Variants in SV2C observed in about 807,000 individuals in gnomAD.
SV2C encodes the protein synaptic vesicle glycoprotein 2C.
SV2C carries 49 observed loss-of-function variants against 79.7 expected under a neutral mutation model. The ratio of observed to expected loss-of-function variants is 0.61; its 90% confidence interval spans 0.49 to 0.78. SV2C has a LOEUF of 0.78. Ranked by LOEUF, SV2C falls within the 30% of genes least tolerant of loss-of-function variation. The pLI, the probability that SV2C is intolerant of heterozygous loss-of-function variation, is 0.00. For missense variants in SV2C, 833 were observed against 912.9 expected (o/e 0.91, Z 1.13); for synonymous variants, 334 against 333.2 (o/e 1.00, Z -0.03).
chr5:76,298,850 G>C lies in SV2C; in HGVS notation c.1559G>C (p.Cys520Ser). The stretch of plus-strand genomic sequence containing the variant: ...TTCAAAGACTCTGTTTTTAAGTCCT[G>C]CACCTTTGAGGATGTAACTTCAGTG... ...VTFKDSVFKSCTFEDVTSVNT... is the reference protein window; with the variant it reads ...VTFKDSVFKSSTFEDVTSVNT... The change falls in exon 10 of 13, where the codon TGC becomes TCC. Residue 520 changes from cysteine to serine, a missense_variant. Transcript: ENST00000502798. 6.2e-7 allele frequency: 1 copy of C among 1,613,904 alleles called. No homozygotes were observed. The highest frequency in any genetic ancestry group is 8.5e-7 in the Non-Finnish European group (1 of 1,179,870).
the SV2C span, among the ~76,000 whole-genome samples, chr5:75,892,585 C>T: frequency 6.6e-6 from 1 of 152,014 alleles, no homozygotes; most frequent in Non-Finnish European, 1.5e-5. Context: ...TGGCTCCCTT[C>T]CTCATCTTCC....
chr5:75,945,886 A>C, the SV2C span, among the ~76,000 whole-genome samples: 8 of 152,094 alleles, frequency 5.3e-5, no homozygotes, highest in Non-Finnish European at 1.2e-4. Context: ...TAAAGCAAAA[A>C]AGAAAACAAA....
chr5:76,265,545 G>A (rs550006305), intron 4 of SV2C, among the ~76,000 whole-genome samples: 1 of 152,340 alleles, frequency 6.6e-6, no homozygotes, highest in East Asian at 1.9e-4. Context: ...CCTACAGCTA[G>A]CTTGGTGTCT....
At chr5:75,927,896 C>A in the SV2C span, among the ~76,000 whole-genome samples, 1 of 152,150 alleles carries the variant, frequency 6.6e-6, no homozygotes, top group South Asian at 2.1e-4. Flanking sequence ...GAACCCTCTA[C>A]AGGAGCCACC....
the SV2C span, among the ~76,000 whole-genome samples, chr5:75,876,277 A>G: frequency 2.6e-5 from 4 of 152,152 alleles, no homozygotes; most frequent in Non-Finnish European, 5.9e-5. Context: ...GGGAACATGG[A>G]TGGAACTGGA....
At chr5:76,056,162 T>C in the SV2C span, among the ~76,000 whole-genome samples, 125 of 152,272 alleles carry the variant, frequency 8.2e-4, no homozygotes, top group Admixed American at 1.8e-3. Flanking sequence ...TTTTGAGATA[T>C]GTTCCATCAA....
chr5:76,147,065 A>T (rs922408325), intron 2 of SV2C, among the ~76,000 whole-genome samples: 7 of 151,998 alleles, frequency 4.6e-5, no homozygotes, highest in African/African-American at 1.7e-4. Flanking sequence ...GGGAGAGGGG[A>T]ATGGGAAGGT....
chr5:76,226,723 G>C (rs1160396134), intron 4 of SV2C, among the ~76,000 whole-genome samples: 1 of 152,184 alleles, frequency 6.6e-6, no homozygotes, highest in African/African-American at 2.4e-5. Context: ...CACACGTGCA[G>C]GTCAGATGTC....
chr5:75,954,248 T>C, the SV2C span, among the ~76,000 whole-genome samples: 1 of 152,100 alleles, frequency 6.6e-6, no homozygotes, highest in African/African-American at 2.4e-5. Context: ...TGCACTCTTA[T>C]TTCTTAAGTA....
At chr5:75,848,265 T>G in the SV2C span, among the ~76,000 whole-genome samples, 1 of 152,162 alleles carries the variant, frequency 6.6e-6, no homozygotes, top group Non-Finnish European at 1.5e-5. Flanking sequence ...TGTCAAGAGC[T>G]CTGAGCCCTG....
the SV2C span, among the ~76,000 whole-genome samples, chr5:75,941,717 C>G: frequency 0.028 from 4,320 of 152,298 alleles, 192 homozygotes; most frequent in African/African-American, 0.095. Context: ...CAGAGGCAGG[C>G]CTCAGGAAGC....
the SV2C span, among the ~76,000 whole-genome samples, chr5:76,027,894 T>C: frequency 1.3e-5 from 2 of 152,230 alleles, no homozygotes; most frequent in African/African-American, 4.8e-5. Flanking sequence ...CTGTTACATG[T>C]CCTGCATGAG....
intron 3 of SV2C, among the ~76,000 whole-genome samples, chr5:76,197,055 T>C (rs866613829): frequency 6.6e-6 from 1 of 152,358 alleles, no homozygotes; most frequent in Middle Eastern, 3.4e-3. Context: ...GAAATCCAGG[T>C]GTGCCCTACT....
chr5:76,144,867 ATTAAC>A (rs1198494378), intron 2 of SV2C, among the ~76,000 whole-genome samples: 3 of 152,150 alleles, frequency 2.0e-5, no homozygotes, highest in East Asian at 1.9e-4. Flanking sequence ...CATGTGTCTA[ATTAAC>A]TTAAAATATT....
the SV2C span, among the ~76,000 whole-genome samples, chr5:75,923,319 C>A: frequency 6.6e-6 from 1 of 152,078 alleles, no homozygotes; most frequent in Non-Finnish European, 1.5e-5. Flanking sequence ...CATAAAAATT[C>A]TAGAAGATAA....
At chr5:75,888,478 T>TC in the SV2C span, among the ~76,000 whole-genome samples, 1 of 152,044 alleles carries the variant, frequency 6.6e-6, no homozygotes, top group Admixed American at 6.6e-5. Context: ...GCATTTCACT[T>TC]CCCCAAATAC....
At chr5:75,971,742 C>A in the SV2C span, among the ~76,000 whole-genome samples, 5 of 152,212 alleles carry the variant, frequency 3.3e-5, no homozygotes, top group South Asian at 1.0e-3. Flanking sequence ...TGAAAATGGC[C>A]ATACTGCCCA....
At chr5:76,263,265 T>G (rs1043847407) in intron 4 of SV2C, among the ~76,000 whole-genome samples, 1 of 149,294 alleles carries the variant, frequency 6.7e-6, no homozygotes, top group Non-Finnish European at 1.5e-5. Flanking sequence ...CCTGCTTTTT[T>G]GTTTTTGTTT....
rs560389227 is a variant in SV2C at position 76,250,429 on chromosome 5, CGTT to C, written c.914-34725_914-34723del. Among the ~76,000 whole-genome samples the C allele has an allele frequency of 1.6e-3, 243 of 152,266 alleles. 3 individuals are homozygous for C. Among genetic ancestry groups the C allele is most frequent in the African/African-American group, 5.6e-3 (234 of 41,548 alleles). Reference sequence around the variant, plus strand: ...GTTTATTGTTGTTGCTGTCATTTCACGTTGTTGTTGCTACCTCATTTGCACTGA... The same window carrying C: ...GTTTATTGTTGTTGCTGTCATTTCACGTTGTTGCTACCTCATTTGCACTGA... On this transcript the variant is annotated intron_variant, in intron 4 of 12. Coordinates refer to ENST00000502798, the MANE Select transcript of SV2C (RefSeq NM_014979.4).
Sources: gnomAD v4.1 joint callset for allele counts (sites outside exome capture counted in the v4.1 genomes callset) on GRCh38, gnomAD v4.1.1 for gene constraint, MANE v1.5 for transcripts, NCBI Gene and HGNC (gene_info 2026-07-23, HGNC 2026-07-21) for gene names.